DGKB: variants seen among roughly 807,000 people sequenced by gnomAD.
The protein encoded by DGKB is 90 kDa diacylglycerol kinase.
Under a neutral mutation model 114.3 loss-of-function variants are expected in DGKB, and 67 were observed. The observed-to-expected ratio is 0.59, with a 90% CI of 0.48 to 0.72. DGKB has a LOEUF of 0.72. DGKB is among the 30% of genes least tolerant of loss of function. The probability of loss-of-function intolerance (pLI) is 0.00; values close to 1 mark genes in which losing one functional copy is unlikely to be tolerated. For synonymous variants in DGKB, 398 were observed against 323.1 expected, an observed-to-expected ratio of 1.23 and a Z score of -2.49; for missense variants, 907 against 975.2, an observed-to-expected ratio of 0.93 and a Z score of 0.93.
chr7:14,710,681 C>T (rs891612926), intron 6 of DGKB, among the ~76,000 whole-genome samples: 21 of 152,094 alleles, frequency 1.4e-4, no homozygotes, highest in African/African-American at 4.6e-4. Context: ...ACTTTTATTT[C>T]GCTAAGAATT....
At chr7:14,230,576 GA>G (rs1042212088) in intron 23 of DGKB, among the ~76,000 whole-genome samples, 2 of 151,968 alleles carry the variant, frequency 1.3e-5, no homozygotes, top group African/African-American at 4.8e-5. Flanking sequence ...TCTTTCAAGT[GA>G]AAAACGCATA....
chr7:14,377,360 T>A (rs1818659816), intron 21 of DGKB, among the ~76,000 whole-genome samples: 1 of 152,202 alleles, frequency 6.6e-6, no homozygotes, highest in African/African-American at 2.4e-5. Flanking sequence ...ACTAAGCTCT[T>A]AAGAGAGAAA....
chr7:14,525,490 C>G (rs916986180), intron 20 of DGKB, among the ~76,000 whole-genome samples: 1 of 152,168 alleles, frequency 6.6e-6, no homozygotes, highest in African/African-American at 2.4e-5. Flanking sequence ...GTTGTCCCCA[C>G]TAAGCAGCAA....
At chr7:14,460,270 G>A (rs570204456) in intron 21 of DGKB, among the ~76,000 whole-genome samples, 1 of 152,132 alleles carries the variant, frequency 6.6e-6, no homozygotes, top group Admixed American at 6.5e-5. Context: ...AATGTAAATG[G>A]GGGAAATGCC....
At chr7:14,187,701 G>A (rs1227697706) in intron 23 of DGKB, among the ~76,000 whole-genome samples, 2 of 152,186 alleles carry the variant, frequency 1.3e-5, no homozygotes, top group East Asian at 3.9e-4. Context: ...TTGTTTACAG[G>A]AAAACATTTA....
chr7:14,947,740 C>T (rs1207172428), intron 1 of DGKB, among the ~76,000 whole-genome samples: 1 of 151,500 alleles, frequency 6.6e-6, no homozygotes, highest in East Asian at 1.9e-4. Context: ...GTGGTATATA[C>T]TCAGTTCCCC....
At chr7:14,533,732 C>G (rs1215824585) in intron 20 of DGKB, among the ~76,000 whole-genome samples, 1 of 151,930 alleles carries the variant, frequency 6.6e-6, no homozygotes, top group Non-Finnish European at 1.5e-5. Context: ...GATTTCTCAG[C>G]AGAAATGTTT....
At chr7:14,592,864 T>G (rs1585006825) in intron 17 of DGKB, among the ~76,000 whole-genome samples, 1 of 151,934 alleles carries the variant, frequency 6.6e-6, no homozygotes, top group South Asian at 2.1e-4. Context: ...ATCTAATATC[T>G]TATGTACTTT....
chr7:14,319,462 A>C (rs1389879525), intron 23 of DGKB, among the ~76,000 whole-genome samples: 1 of 152,098 alleles, frequency 6.6e-6, no homozygotes, highest in Admixed American at 6.6e-5. Flanking sequence ...GTAACATGTA[A>C]TAGGTTTATT....
chr7:14,620,880 T>G (rs1807506909), intron 15 of DGKB, among the ~76,000 whole-genome samples: 1 of 151,830 alleles, frequency 6.6e-6, no homozygotes, highest in Non-Finnish European at 1.5e-5. Flanking sequence ...ACTTAAAATT[T>G]TGACTTAAAA....
chr7:14,895,584 G>A (rs1003581571), intron 1 of DGKB, among the ~76,000 whole-genome samples: 10 of 151,498 alleles, frequency 6.6e-5, no homozygotes, highest in African/African-American at 1.5e-4. Flanking sequence ...GTTCATATCC[G>A]TCTTTCACCA....
At chr7:14,615,892 G>A (rs946890162) in intron 15 of DGKB, among the ~76,000 whole-genome samples, 1 of 151,470 alleles carries the variant, frequency 6.6e-6, no homozygotes, top group African/African-American at 2.4e-5. Context: ...GCATTGTATT[G>A]CAATGCAAAA....
intron 23 of DGKB, among the ~76,000 whole-genome samples, chr7:14,195,792 A>G (rs556034188): frequency 6.6e-6 from 1 of 152,302 alleles, no homozygotes; most frequent in Non-Finnish European, 1.5e-5. Context: ...AAAGTGATTT[A>G]CAGTAAACAT....
intron 23 of DGKB, among the ~76,000 whole-genome samples, chr7:14,248,778 C>T (rs1040238507): frequency 6.6e-6 from 1 of 152,002 alleles, no homozygotes; most frequent in Non-Finnish European, 1.5e-5. Flanking sequence ...AAGATTATGT[C>T]GTCTGCAAAG....
At chr7:14,587,185 C>G (rs1800916391) in intron 17 of DGKB, among the ~76,000 whole-genome samples, 1 of 151,992 alleles carries the variant, frequency 6.6e-6, no homozygotes, top group Non-Finnish European at 1.5e-5. Flanking sequence ...TCAGCATTAA[C>G]AAGAGTTTGG....
At chr7:14,635,217 C>T (rs1313416782) in intron 13 of DGKB, among the ~76,000 whole-genome samples, 1 of 139,458 alleles carries the variant, frequency 7.2e-6, no homozygotes, top group African/African-American at 3.0e-5. Flanking sequence ...ACTGTAATTG[C>T]TCACAAAATA....
At chr7:14,585,444 A>C (rs1424528678) in intron 17 of DGKB, among the ~76,000 whole-genome samples, 1 of 152,098 alleles carries the variant, frequency 6.6e-6, no homozygotes, top group Non-Finnish European at 1.5e-5. Context: ...TACTTTTCCC[A>C]CTTACATTGG....
intron 2 of DGKB, among the ~76,000 whole-genome samples, chr7:14,829,073 T>A (rs1452677518): frequency 6.6e-6 from 1 of 152,040 alleles, no homozygotes; most frequent in African/African-American, 2.4e-5. Context: ...TGTGTCTTAT[T>A]GAAAGCTGAC....
intron 20 of DGKB, among the ~76,000 whole-genome samples, chr7:14,543,716 C>G (rs1793850264): frequency 6.6e-6 from 1 of 152,202 alleles, no homozygotes; most frequent in East Asian, 1.9e-4. Context: ...CATAGAAACT[C>G]AATAAATAAT....
Sources: gnomAD v4.1 joint callset for allele counts (sites outside exome capture counted in the v4.1 genomes callset) on GRCh38, gnomAD v4.1.1 for gene constraint, MANE v1.5 for transcripts, NCBI Gene and HGNC (gene_info 2026-07-23, HGNC 2026-07-21) for gene names.